The following NLGN1 variants were observed in gnomAD, a reference collection of about 807,000 sequenced individuals.
NLGN1 encodes the protein neuroligin 1.
A neutral mutation model predicts 65.5 loss-of-function variants in NLGN1; 12 were observed. That is an observed-to-expected ratio of 0.18 (90% CI 0.12 to 0.30). The LOEUF is 0.30. Among genes scored for constraint, NLGN1 ranks in the 10% least tolerant of loss-of-function variants. NLGN1 has a pLI of 1.00. For synonymous variants in NLGN1, 350 were observed against 359.5 expected, an observed-to-expected ratio of 0.97 and a Z score of 0.30; for missense variants, 750 against 1,007.1, an observed-to-expected ratio of 0.74 and a Z score of 3.46.
chr3:173,530,641 C>G (rs181063250), intron 2 of NLGN1, among the ~76,000 whole-genome samples: 36 of 152,254 alleles, frequency 2.4e-4, no homozygotes, highest in African/African-American at 8.4e-4. Context: ...CTTCTATCAG[C>G]AGAGAAAACA....
chr3:174,086,286 T>TATATATTTATGTATGTGCATAC (rs1561008018), intron 4 of NLGN1, among the ~76,000 whole-genome samples: 1 of 16,410 alleles, frequency 6.1e-5, no homozygotes, highest in African/African-American at 3.0e-4. Flanking sequence ...TGTGCATAAA[T>TATATATTTATGTATGTGCATAC]ATATATATAT....
intron 4 of NLGN1, among the ~76,000 whole-genome samples, chr3:174,029,428 C>A (rs913028849): frequency 1.3e-5 from 2 of 152,118 alleles, no homozygotes. Context: ...GCCAATTTCT[C>A]CTATTTGGAA....
At chr3:173,830,752 T>C (rs1385116143) in intron 4 of NLGN1, among the ~76,000 whole-genome samples, 2 of 152,188 alleles carry the variant, frequency 1.3e-5, no homozygotes, top group Non-Finnish European at 2.9e-5. Flanking sequence ...ATTGCACCCA[T>C]AAATAATACT....
At chr3:174,116,215 ACACCAC>A (rs1716384769) in intron 4 of NLGN1, among the ~76,000 whole-genome samples, 1 of 151,930 alleles carries the variant, frequency 6.6e-6, no homozygotes, top group Non-Finnish European at 1.5e-5. Context: ...TCATTGCTGT[ACACCAC>A]CACCATCAAC....
At chr3:174,203,747 A>T (rs1734922008) in intron 4 of NLGN1, among the ~76,000 whole-genome samples, 1 of 152,200 alleles carries the variant, frequency 6.6e-6, no homozygotes, top group African/African-American at 2.4e-5. Flanking sequence ...TTCCATAGAT[A>T]CATATTTTTC....
chr3:174,228,241 T>G (rs1376504765), intron 4 of NLGN1, among the ~76,000 whole-genome samples: 2 of 152,108 alleles, frequency 1.3e-5, no homozygotes, highest in Non-Finnish European at 2.9e-5. Flanking sequence ...CCTTGTTATT[T>G]GCCACTTTTT....
chr3:173,797,672 C>CA (rs1193324713), intron 3 of NLGN1, among the ~76,000 whole-genome samples: 3 of 131,120 alleles, frequency 2.3e-5, no homozygotes, highest in South Asian at 2.3e-4. Flanking sequence ...TAGCAAAAAA[C>CA]AAAAAATAAA....
chr3:173,606,381 C>T (rs1487636950), intron 3 of NLGN1, among the ~76,000 whole-genome samples: 1 of 152,068 alleles, frequency 6.6e-6, no homozygotes, highest in African/African-American at 2.4e-5. Flanking sequence ...TTTTATATAA[C>T]ATTCAGTAAA....
chr3:173,483,121 T>C (rs937538572), intron 2 of NLGN1, among the ~76,000 whole-genome samples: 1 of 152,092 alleles, frequency 6.6e-6, no homozygotes, highest in African/African-American at 2.4e-5. Context: ...TACACAGATA[T>C]TCTTGGTAAA....
At chr3:173,587,252 C>T (rs1433227021) in intron 2 of NLGN1, among the ~76,000 whole-genome samples, 3 of 152,080 alleles carry the variant, frequency 2.0e-5, no homozygotes, top group Non-Finnish European at 4.4e-5. Flanking sequence ...TCTCTTTTGT[C>T]AGTTAAAATG....
intron 2 of NLGN1, among the ~76,000 whole-genome samples, chr3:173,443,032 C>G (rs544046697): frequency 1.3e-5 from 2 of 151,936 alleles, no homozygotes; most frequent in East Asian, 3.9e-4. Flanking sequence ...GCAGTCTTTC[C>G]AGGGGAGGCA....
intron 4 of NLGN1, among the ~76,000 whole-genome samples, chr3:174,254,306 A>AT (rs371427726): frequency 0.21 from 24,247 of 112,986 alleles, 2,828 homozygotes; most frequent in Non-Finnish European, 0.28. Flanking sequence ...GTCCTTTTTA[A>AT]TTTTTTTTTT....
chr3:173,480,056 G>GA lies in NLGN1; in HGVS notation c.-321+44982dup, dbSNP rs1448463566. 3.3e-5 allele frequency among the ~76,000 whole-genome samples: 5 copies of GA among 152,258 alleles called. No individual in the cohort carries two copies. In the East Asian group the frequency reaches 7.7e-4, roughly 24 times the overall value. ...TGGGCATATATTATTTAAGACAGTT[G>GA]AAAAGATACTAGAGTTAGTTCAGAC... On this transcript the variant is annotated intron_variant, in intron 2 of 6. Transcript: ENST00000457714.
intron 4 of NLGN1, among the ~76,000 whole-genome samples, chr3:174,213,609 A>G (rs1561306108): frequency 2.0e-5 from 3 of 152,190 alleles, no homozygotes; most frequent in Non-Finnish European, 4.4e-5. Context: ...AAAATGTAGC[A>G]TTCCAGTGTC....
chr3:173,734,971 C>A (rs1773511211), intron 3 of NLGN1, among the ~76,000 whole-genome samples: 1 of 152,042 alleles, frequency 6.6e-6, no homozygotes, highest in Non-Finnish European at 1.5e-5. Context: ...GCACAACATT[C>A]TTCTCTGCAA....
At chr3:173,959,601 T>C (rs546633782) in intron 4 of NLGN1, among the ~76,000 whole-genome samples, 1 of 152,374 alleles carries the variant, frequency 6.6e-6, no homozygotes, top group East Asian at 1.9e-4. Context: ...ATTCAAAGCA[T>C]GAATCTTTTG....
intron 2 of NLGN1, among the ~76,000 whole-genome samples, chr3:173,551,202 A>G (rs1740799548): frequency 6.6e-6 from 1 of 152,162 alleles, no homozygotes; most frequent in Non-Finnish European, 1.5e-5. Context: ...TTAGTGATAA[A>G]TAGTGTAATT....
intron 4 of NLGN1, among the ~76,000 whole-genome samples, chr3:174,262,668 TTG>T (rs1243774628): frequency 6.6e-6 from 1 of 151,550 alleles, no homozygotes; most frequent in Non-Finnish European, 1.5e-5. Context: ...GAAGGGTTTT[TTG>T]TGTCTCTATT....
intron 3 of NLGN1, among the ~76,000 whole-genome samples, chr3:173,706,348 ATGAT>A (rs1250499101): frequency 6.6e-6 from 1 of 152,228 alleles, no homozygotes; most frequent in Non-Finnish European, 1.5e-5. Context: ...ATAATTATGC[ATGAT>A]TAAGATTTAG....
Sources: gnomAD v4.1 joint callset for allele counts (sites outside exome capture counted in the v4.1 genomes callset) on GRCh38, gnomAD v4.1.1 for gene constraint, MANE v1.5 for transcripts, NCBI Gene and HGNC (gene_info 2026-07-23, HGNC 2026-07-21) for gene names.